LRP1B: variants seen among roughly 807,000 people sequenced by gnomAD.
LRP1B encodes the protein low-density lipoprotein receptor-related protein 1B.
LRP1B carries 217 observed loss-of-function variants against 556.6 expected under a neutral mutation model. That is an observed-to-expected ratio of 0.39 (90% CI 0.35 to 0.44). The LOEUF (loss-of-function observed/expected upper bound fraction) is 0.44. Among genes scored for constraint, LRP1B ranks in the 20% least tolerant of loss-of-function variants. The probability of loss-of-function intolerance (pLI) is 1.00; values close to 1 mark genes in which losing one functional copy is unlikely to be tolerated. For missense variants in LRP1B, 5,053 were observed against 5,620.8 expected (o/e 0.90, Z 3.23); for synonymous variants, 2,047 against 1,865.8 (o/e 1.10, Z -2.50).
Position 140,776,219 on chromosome 2 carries a change from T to G in LRP1B, c.5379A>C (p.Ala1793=). Residue 1793 remains alanine, a synonymous_variant, in exon 33 of 91, where the codon GCA becomes GCC. Coordinates refer to ENST00000389484, the MANE Select transcript of LRP1B (RefSeq NM_018557.3). ...LTIMDKKLWW[A]DQNLAQLGTC... The stretch of plus-strand genomic sequence containing the variant: ...TTCCTAGCTGGGCTAAGTTTTGGTC[T>G]GCCCACCACAGTTTCTTATCTAGAA... 1 of 1,595,288 alleles carries G rather than the reference T, an allele frequency of 6.3e-7. No individual in the cohort carries two copies. Among genetic ancestry groups the G allele is most frequent in the South Asian group, 1.1e-5 (1 of 88,346 alleles).
intron 3 of LRP1B, among the ~76,000 whole-genome samples, chr2:141,361,236 G>A (rs1213238623): frequency 6.6e-6 from 1 of 152,008 alleles, no homozygotes; most frequent in Non-Finnish European, 1.5e-5. Context: ...TTTGACATAA[G>A]GAAGTATAGT....
intron 21 of LRP1B, among the ~76,000 whole-genome samples, chr2:140,914,822 A>G (rs1694527018): frequency 6.6e-6 from 1 of 152,178 alleles, no homozygotes; most frequent in Admixed American, 6.5e-5. Context: ...GAAATGCAGC[A>G]GGGTTAAGTG....
At chr2:140,557,656 A>T (rs545726288) in intron 43 of LRP1B, among the ~76,000 whole-genome samples, 3 of 152,174 alleles carry the variant, frequency 2.0e-5, no homozygotes, top group Non-Finnish European at 4.4e-5. Flanking sequence ...CCTCAAATGC[A>T]TCAAACACAT....
chr2:141,250,644 T>G (rs898439449), intron 4 of LRP1B, among the ~76,000 whole-genome samples: 1 of 152,164 alleles, frequency 6.6e-6, no homozygotes, highest in Non-Finnish European at 1.5e-5. Context: ...GTAGGAATGC[T>G]CACATTTATA....
intron 7 of LRP1B, among the ~76,000 whole-genome samples, chr2:141,174,008 C>T (rs1680625060): frequency 1.3e-5 from 2 of 151,904 alleles, no homozygotes; most frequent in Non-Finnish European, 2.9e-5. Flanking sequence ...GAATACTTTT[C>T]TTTCTCTTCT....
intron 6 of LRP1B, among the ~76,000 whole-genome samples, chr2:141,226,115 T>TA (rs1486183176): frequency 3.1e-5 from 1 of 32,444 alleles, no homozygotes. Flanking sequence ...GAGTCTCAAT[T>TA]TTCCCCCCCA....
intron 86 of LRP1B, among the ~76,000 whole-genome samples, chr2:140,258,667 T>C (rs1274417628): frequency 1.3e-5 from 2 of 151,654 alleles, no homozygotes; most frequent in East Asian, 1.9e-4. Context: ...TCTTTATATA[T>C]ATTACATTTT....
At chr2:141,537,379 A>G (rs1421408240) in intron 2 of LRP1B, among the ~76,000 whole-genome samples, 2 of 152,114 alleles carry the variant, frequency 1.3e-5, no homozygotes, top group African/African-American at 2.4e-5. Flanking sequence ...TTTAATACTC[A>G]ATATCATGAG....
chr2:141,800,134 T>C (rs761877368), intron 2 of LRP1B, among the ~76,000 whole-genome samples: 6 of 152,130 alleles, frequency 3.9e-5, no homozygotes, highest in Non-Finnish European at 7.4e-5. Context: ...ATCTGTTGTG[T>C]CTAAAATGAA....
intron 41 of LRP1B, among the ~76,000 whole-genome samples, chr2:140,614,534 T>G (rs1683191998): frequency 1.3e-5 from 2 of 152,134 alleles, no homozygotes; most frequent in Non-Finnish European, 1.5e-5. Flanking sequence ...TAAACAAATA[T>G]TTTTTGTCTG....
intron 2 of LRP1B, among the ~76,000 whole-genome samples, chr2:141,807,566 A>T (rs1696205453): frequency 6.6e-6 from 1 of 152,108 alleles, no homozygotes; most frequent in African/African-American, 2.4e-5. Context: ...AGGACTGTAT[A>T]TTTAAACAAC....
chr2:141,753,512 C>T (rs1188562876), intron 2 of LRP1B, among the ~76,000 whole-genome samples: 3 of 151,716 alleles, frequency 2.0e-5, no homozygotes, highest in Non-Finnish European at 4.4e-5. Context: ...TTATTAGGCC[C>T]ATAAGAACAG....
rs184959545 is a variant in LRP1B, at chr2:141,350,614, C to T, written c.344-95973G>A. 5.7e-4 allele frequency among the ~76,000 whole-genome samples: 86 copies of T among 152,160 alleles called. 2 individuals are homozygous for T. Among genetic ancestry groups the T allele is most frequent in the African/African-American group, 2.0e-3 (82 of 41,502 alleles). On this transcript the variant is annotated intron_variant, in intron 3 of 90. Transcript: ENST00000389484. Reference sequence around the variant, plus strand: ...ATAAACTCAAAACCTACAATTTAAACATTAAATCTGGAATATTTTGTAACC... The same window carrying T: ...ATAAACTCAAAACCTACAATTTAAATATTAAATCTGGAATATTTTGTAACC...
chr2:142,084,405 T>C (rs1031674936), intron 1 of LRP1B, among the ~76,000 whole-genome samples: 6 of 152,202 alleles, frequency 3.9e-5, no homozygotes, highest in Admixed American at 2.0e-4. Flanking sequence ...TTCATTTTCT[T>C]GCTAGGTCTC....
chr2:140,816,769 G>C (rs1325863599), intron 31 of LRP1B, among the ~76,000 whole-genome samples: 2 of 151,868 alleles, frequency 1.3e-5, no homozygotes, highest in African/African-American at 4.8e-5. Context: ...TTAAAAACTG[G>C]TGACATATGC....
At chr2:141,709,503 T>A (rs932007440) in intron 2 of LRP1B, among the ~76,000 whole-genome samples, 1 of 152,160 alleles carries the variant, frequency 6.6e-6, no homozygotes, top group Non-Finnish European at 1.5e-5. Context: ...GAAGTACTAA[T>A]GATGCCTTAA....
intron 43 of LRP1B, among the ~76,000 whole-genome samples, chr2:140,556,160 C>T (rs1187293714): frequency 6.6e-6 from 1 of 152,022 alleles, no homozygotes; most frequent in Non-Finnish European, 1.5e-5. Context: ...TTTGAGAAAA[C>T]AGCAGAAGCA....
intron 20 of LRP1B, among the ~76,000 whole-genome samples, chr2:140,939,348 C>T (rs1349873016): frequency 6.6e-6 from 1 of 151,386 alleles, no homozygotes. Flanking sequence ...GGAGAAGTTT[C>T]CAAAGCAGAA....
At chr2:140,672,356 C>T (rs1685514935) in intron 41 of LRP1B, among the ~76,000 whole-genome samples, 1 of 151,816 alleles carries the variant, frequency 6.6e-6, no homozygotes, top group South Asian at 2.1e-4. Flanking sequence ...TGGTGGTGTG[C>T]ACCTGTAATC....
Sources: gnomAD v4.1 joint callset for allele counts (sites outside exome capture counted in the v4.1 genomes callset) on GRCh38, gnomAD v4.1.1 for gene constraint, MANE v1.5 for transcripts, NCBI Gene and HGNC (gene_info 2026-07-23, HGNC 2026-07-21) for gene names.